Variants in RARB observed in about 807,000 individuals in gnomAD.
RARB encodes the protein HBV-activated protein.
A neutral mutation model predicts 51.9 loss-of-function variants in RARB; 17 were observed. The ratio of observed to expected loss-of-function variants is 0.33; its 90% CI spans 0.22 to 0.49. RARB has a LOEUF of 0.49. RARB is among the 20% of genes least tolerant of loss of function. RARB has a pLI of 0.99. For missense variants in RARB, 369 were observed against 550.8 expected (o/e 0.67, Z 3.30); for synonymous variants, 215 against 195.4 (o/e 1.10, Z -0.84).
At chr3:25,464,582 G>C (rs910937847) in intron 2 of RARB, among the ~76,000 whole-genome samples, 8 of 151,782 alleles carry the variant, frequency 5.3e-5, no homozygotes, top group African/African-American at 1.9e-4. Flanking sequence ...AAAATACAGT[G>C]ACAAAATTCA....
At chr3:24,912,612 C>A (rs992332380) in intron 2 of RARB, among the ~76,000 whole-genome samples, 3 of 152,018 alleles carry the variant, frequency 2.0e-5, no homozygotes, top group Non-Finnish European at 4.4e-5. Flanking sequence ...AAAATGGAAC[C>A]AGGGCACAGG....
chr3:25,594,655 A>C lies in RARB; in HGVS notation c.1127A>C (p.Asp376Ala). Residue 376 changes from aspartate (D) to alanine (A), a missense_variant, in exon 7 of 8, where the codon GAT becomes GCT. Physicochemically the swap from Asp to Ala is moderately radical, Grantham distance 126. Around this residue, in one of 9 missense-constraint regions of RARB, gnomAD observed 76 missense variants for 153.3 expected, o/e 0.50. Coordinates refer to ENST00000330688, the MANE Select transcript of RARB (RefSeq NM_000965.5). ...MFPKILMKIT[D>A]LRSISAKGAE... The stretch of plus-strand genomic sequence containing the variant: ...CCAAAGATCTTAATGAAAATCACAG[A>C]TCTCCGTAGCATCAGTGCTAAAGGT... The C allele has an allele frequency of 6.2e-7, 1 of 1,613,046 alleles. No individual in the cohort carries two copies. Among genetic ancestry groups the C allele is most frequent in the South Asian group, 1.1e-5 (1 of 90,952 alleles).
At chr3:25,458,927 A>C (rs75893335) in intron 1 of RARB, among the ~76,000 whole-genome samples, 7,139 of 152,252 alleles carry the variant, frequency 0.047, 391 homozygotes, top group African/African-American at 0.13. Context: ...GAAAAAGGAA[A>C]AGGAAAAAGT....
At chr3:25,134,228 T>C (rs867506856) in intron 4 of RARB, among the ~76,000 whole-genome samples, 7 of 151,914 alleles carry the variant, frequency 4.6e-5, no homozygotes, top group South Asian at 2.1e-4. Context: ...AATAATGATA[T>C]ATTAAATAAT....
chr3:25,556,516 GC>G lies in RARB; in HGVS notation c.449-13241del, dbSNP rs548814918. Among the ~76,000 whole-genome samples, 301 of 152,248 alleles carry G rather than the reference GC, an allele frequency of 2.0e-3. 2 individuals are homozygous for G. Among genetic ancestry groups the G allele is most frequent in the African/African-American group, 6.9e-3 (288 of 41,558 alleles). Reference sequence around the variant, plus strand: ...TTACCAACACTAATCTTTTGAAAAAGCAAAAAGTTTTAAGAATTATTGTATG... The same window carrying G: ...TTACCAACACTAATCTTTTGAAAAAGAAAAAGTTTTAAGAATTATTGTATG... On this transcript the variant is annotated intron_variant, in intron 3 of 7. Transcript: ENST00000330688.
chr3:25,103,211 G>A (rs1037519463), intron 3 of RARB, among the ~76,000 whole-genome samples: 9 of 152,096 alleles, frequency 5.9e-5, no homozygotes, highest in Non-Finnish European at 1.0e-4. Context: ...TTTACCATTG[G>A]CCAATGGTTG....
intron 5 of RARB, among the ~76,000 whole-genome samples, chr3:25,409,559 A>C (rs1707504214): frequency 6.6e-6 from 1 of 152,166 alleles, no homozygotes; most frequent in Non-Finnish European, 1.5e-5. Context: ...CCAGAATCTT[A>C]CACCTTTTAA....
intron 1 of RARB, among the ~76,000 whole-genome samples, chr3:25,439,564 C>G (rs966809710): frequency 2.0e-5 from 3 of 152,050 alleles, no homozygotes; most frequent in African/African-American, 7.2e-5. Context: ...TGTCATCACA[C>G]CTGGCTAGGT....
In RARB at chr3:25,033,857, C is replaced by G. The variant is rs78996941; in HGVS notation, c.-379-26268C>G. On this transcript the variant is annotated intron_variant, in intron 2 of 11. Coordinates refer to the RARB transcript ENST00000383772. ...GCTTAAATCTCCTAGCTTACATTACCGACAAACGTATATTCAAGAACGTAC... is the reference window on the plus strand; with the variant it reads ...GCTTAAATCTCCTAGCTTACATTACGGACAAACGTATATTCAAGAACGTAC... 1.2e-4 allele frequency among the ~76,000 whole-genome samples: 18 copies of G among 152,298 alleles called. No individual in the cohort carries two copies. The East Asian group carries it at 3.5e-3, about 29-fold the overall frequency.
chr3:25,326,502 G>C (rs1704720573), intron 5 of RARB, among the ~76,000 whole-genome samples: 1 of 152,158 alleles, frequency 6.6e-6, no homozygotes, highest in Non-Finnish European at 1.5e-5. Context: ...TTCCTTTCAA[G>C]GGTAGAGAAA....
chr3:25,565,599 A>G (rs530868519), intron 3 of RARB, among the ~76,000 whole-genome samples: 1 of 152,212 alleles, frequency 6.6e-6, no homozygotes, highest in East Asian at 1.9e-4. Context: ...GAACAAAACA[A>G]TGAAGGAACA....
At chr3:25,229,656 C>T (rs969974670) in intron 5 of RARB, among the ~76,000 whole-genome samples, 1 of 148,924 alleles carries the variant, frequency 6.7e-6, no homozygotes, top group Admixed American at 6.7e-5. Flanking sequence ...AATGGGCACC[C>T]TTTTTTTTTT....
At chr3:24,945,127 T>C (rs1695746480) in intron 2 of RARB, among the ~76,000 whole-genome samples, 1 of 152,220 alleles carries the variant, frequency 6.6e-6, no homozygotes, top group African/African-American at 2.4e-5. Flanking sequence ...GTGGTAAATT[T>C]AGTTTTTTAT....
intron 1 of RARB, among the ~76,000 whole-genome samples, chr3:25,448,397 G>GA (rs35745314): frequency 2.0e-5 from 3 of 151,934 alleles, no homozygotes; most frequent in Non-Finnish European, 2.9e-5. Context: ...TGCTCTGAAG[G>GA]AAAAAAAATA....
At chr3:25,075,370 A>G (rs1169624105) in intron 3 of RARB, among the ~76,000 whole-genome samples, 1 of 152,176 alleles carries the variant, frequency 6.6e-6, no homozygotes, top group Admixed American at 6.5e-5. Flanking sequence ...CATTATGTTT[A>G]CAGCCCACAG....
intron 3 of RARB, among the ~76,000 whole-genome samples, chr3:25,125,090 C>G (rs1699840482): frequency 1.3e-5 from 2 of 152,050 alleles, no homozygotes; most frequent in African/African-American, 4.8e-5. Flanking sequence ...ATTAGACCAG[C>G]TTAGATTTAA....
intron 1 of RARB, among the ~76,000 whole-genome samples, chr3:24,857,028 T>C (rs1262897793): frequency 1.3e-5 from 2 of 152,206 alleles, no homozygotes; most frequent in African/African-American, 2.4e-5. Flanking sequence ...GTTCACGTTG[T>C]GGTCCATGAC....
intron 5 of RARB, among the ~76,000 whole-genome samples, chr3:25,320,028 C>CTTT (rs113901586): frequency 0.038 from 5,387 of 142,334 alleles, 142 homozygotes; most frequent in Middle Eastern, 0.057. Context: ...TAAGGATCAT[C>CTTT]TTTTTTTTTT....
chr3:24,833,045 C>T (rs1702302023), intron 1 of RARB: 1 of 152,236 alleles, frequency 6.6e-6, no homozygotes, highest in African/African-American at 2.4e-5. Context: ...TCTCCACATG[C>T]TAATCTCCAC....
Sources: gnomAD v4.1 joint callset for allele counts (sites outside exome capture counted in the v4.1 genomes callset) on GRCh38, gnomAD v4.1.1 for gene constraint, gnomAD v4.1.1 regional missense constraint, MANE v1.5 for transcripts, NCBI Gene and HGNC (gene_info 2026-07-23, HGNC 2026-07-21) for gene names.